Variants in GNL3L observed in about 807,000 individuals in gnomAD.
The protein encoded by GNL3L is G protein nucleolar 3 like.
Under a neutral mutation model 42.9 loss-of-function variants are expected in GNL3L, and 4 were observed. The ratio of observed to expected loss-of-function variants is 0.09; its 90% CI spans 0.05 to 0.21. GNL3L has a LOEUF of 0.21. Ranked by LOEUF, GNL3L falls within the 10% of genes least tolerant of loss-of-function variation. The pLI is 1.00. For synonymous variants in GNL3L, 159 were observed against 176.3 expected (o/e 0.90, Z 0.78); for missense variants, 412 against 481.7 (o/e 0.86, Z 1.36).
At chrX:54,614,924 C>T (rs1056262199) in intron 16 of GNL3L, among the ~76,000 whole-genome samples, 11 of 111,047 alleles carry the variant, frequency 9.9e-5, no homozygotes, top group African/African-American at 3.6e-4. Flanking sequence ...CTAATCTTGC[C>T]CTCCGTCCGC....
chrX:54,579,126 C>G (rs1035755695), intron 16 of GNL3L, among the ~76,000 whole-genome samples: 1 of 111,374 alleles, frequency 9.0e-6, no homozygotes, highest in Non-Finnish European at 1.9e-5. Context: ...TGTCTTTTGT[C>G]CTATATGTGA....
In GNL3L at chrX:54,606,641, A is replaced by ATT. The variant is rs762901505; in HGVS notation, c.*46-14204_*46-14203insTT. 2.0e-3 allele frequency among the ~76,000 whole-genome samples: 203 copies of ATT among 99,646 alleles called. 4 individuals carry two copies. Among genetic ancestry groups the ATT allele is most frequent in the East Asian group, 5.1e-3 (16 of 3,131 alleles). 86.5% of individuals were successfully genotyped at this position (99,646 alleles called of 115,157 possible). A position where few individuals can be genotyped will look rare whatever the true frequency, so the allele number is the denominator to read the frequency against. Reference sequence around the variant, plus strand: ...TAGGTGTGTGCCACTATGCCAGGCCAATTTTTTTTTTTTTTTTGAGGCAGG... The same window carrying ATT: ...TAGGTGTGTGCCACTATGCCAGGCCATTATTTTTTTTTTTTTTTTGAGGCAGG... On this transcript the variant is annotated intron_variant, in intron 16 of 16. Coordinates refer to the GNL3L transcript ENST00000674498.
chrX:54,537,552 A>G, intron 2 of GNL3L, among the ~76,000 whole-genome samples: 1 of 111,423 alleles, frequency 9.0e-6, no homozygotes, highest in East Asian at 2.8e-4. Context: ...GCTCTAAGTA[A>G]GCCCCTCCTT....
Position 54,541,409 on chromosome X carries a change from C to T in GNL3L, c.306+20C>T, listed in dbSNP as rs747804592. The T allele has an allele frequency of 7.8e-6, 8 of 1,024,759 alleles. No individual in the cohort carries two copies. The highest frequency in any genetic ancestry group is 9.6e-6 in the Non-Finnish European group (7 of 727,591). 84.5% of individuals were successfully genotyped at this position (1,024,759 alleles called of 1,213,427 possible). A position where few individuals can be genotyped will look rare whatever the true frequency, so the allele number is the denominator to read the frequency against. The stretch of plus-strand genomic sequence containing the variant: ...CATAAGGTAAGAGTGCAGCCCTTGC[C>T]CCTGGGTAGGTTTGCTCAAAGCATC... On this transcript the variant is annotated intron_variant, in intron 5 of 15. Transcript: ENST00000360845.
chrX:54,626,817 A>C, the GNL3L span, among the ~76,000 whole-genome samples: 1 of 111,599 alleles, frequency 9.0e-6, no homozygotes, highest in Non-Finnish European at 1.9e-5. Context: ...TCTTCTTTTG[A>C]GAAATATCTA....
At chrX:54,620,144 C>T (rs774448585) in intron 16 of GNL3L, among the ~76,000 whole-genome samples, 167 of 111,193 alleles carry the variant, frequency 1.5e-3, no homozygotes, top group African/African-American at 5.2e-3. Context: ...TATACTCTTT[C>T]GGTTATTTTA....
chrX:54,629,706 T>C, the GNL3L span, among the ~76,000 whole-genome samples: 7 of 111,459 alleles, frequency 6.3e-5, no homozygotes, highest in African/African-American at 2.3e-4. Context: ...ATCAGGGATA[T>C]TGGTCTGTAG....
At position 54,612,989 on chromosome X, in the gene GNL3L, G is replaced by A. The variant is rs761225204; in HGVS notation, c.*46-7856G>A. Among the ~76,000 whole-genome samples, 4 of 111,773 alleles carry A rather than the reference G, an allele frequency of 3.6e-5. No homozygotes were observed. The South Asian group carries it at 1.5e-3, about 42-fold the overall frequency. On this transcript the variant is annotated intron_variant, in intron 16 of 16. Coordinates refer to the GNL3L transcript ENST00000674498. ...GATGTCTGGGTCTCTAGCAAGGCCA[G>A]GGAAGTTTTTCTTGATTATTCTACT...
chrX:54,585,530 ATTTG>A (rs1925772245), intron 16 of GNL3L, among the ~76,000 whole-genome samples: 1 of 111,427 alleles, frequency 9.0e-6, no homozygotes, highest in South Asian at 3.7e-4. Flanking sequence ...AGGTTTTCCA[ATTTG>A]TTGGCATGTA....
chrX:54,636,327 A>T, the GNL3L span, among the ~76,000 whole-genome samples: 1 of 112,173 alleles, frequency 8.9e-6, no homozygotes, highest in Non-Finnish European at 1.9e-5. Context: ...GCAAGTAAAT[A>T]TGCCATAAAA....
chrX:54,624,441 T>TTC (rs1428981555), downstream of GNL3L, among the ~76,000 whole-genome samples: 3 of 100,379 alleles, frequency 3.0e-5, no homozygotes, highest in Non-Finnish European at 4.1e-5. Context: ...TCTTTTTCTT[T>TTC]TTTTTTTTTT....
chrX:54,609,010 A>G lies in GNL3L; in HGVS notation c.*46-11835A>G, dbSNP rs764980476. Among the ~76,000 whole-genome samples the G allele has an allele frequency of 1.3e-3, 149 of 111,582 alleles. 1 individual carries two copies. Among genetic ancestry groups the G allele is most frequent in the Non-Finnish European group, 1.2e-3 (62 of 53,081 alleles). ...TTCCCTGTTCGCTGCATCCACACCAATATCTACTGTTTTTTGATATTTTGA... is the reference window on the plus strand; with the variant it reads ...TTCCCTGTTCGCTGCATCCACACCAGTATCTACTGTTTTTTGATATTTTGA... On this transcript the variant is annotated intron_variant, in intron 16 of 16. Coordinates refer to the GNL3L transcript ENST00000674498.
At chrX:54,572,624 C>T (rs1440190600) in intron 16 of GNL3L, among the ~76,000 whole-genome samples, 10 of 107,313 alleles carry the variant, frequency 9.3e-5, no homozygotes, top group South Asian at 8.3e-4. Flanking sequence ...GGCGGCTGGC[C>T]GGGCGGGGGG....
intron 16 of GNL3L, among the ~76,000 whole-genome samples, chrX:54,590,065 G>A (rs2885054): frequency 0.37 from 39,944 of 109,362 alleles, 8,578 homozygotes; most frequent in African/African-American, 0.8. Context: ...TCAGCCTCCC[G>A]AGTAGCTGGG....
chrX:54,614,257 C>T (rs564588028), intron 16 of GNL3L, among the ~76,000 whole-genome samples: 1 of 111,407 alleles, frequency 9.0e-6, no homozygotes, highest in East Asian at 2.8e-4. Context: ...AAGGGCCTGT[C>T]TCATACCCAC....
At chrX:54,575,659 G>A (rs1010123065) in intron 16 of GNL3L, among the ~76,000 whole-genome samples, 24 of 112,012 alleles carry the variant, frequency 2.1e-4, no homozygotes, top group Admixed American at 8.5e-4. Context: ...GCGTGAACCC[G>A]GTAGGCGGAG....
intron 4 of GNL3L, 85 bp from the exon 5 acceptor site, chrX:54,541,188 G>C (rs762346843): frequency 5.0e-6 from 3 of 600,504 alleles, no homozygotes; most frequent in Admixed American, 2.5e-5. Context: ...CTGCCATGTC[G>C]CACCATTTCC....
intron 16 of GNL3L, among the ~76,000 whole-genome samples, chrX:54,584,556 G>A (rs1384700190): frequency 9.0e-6 from 1 of 111,659 alleles, no homozygotes; most frequent in Non-Finnish European, 1.9e-5. Flanking sequence ...ATGTTATGCA[G>A]CACGATTGTA....
rs1925252382 is a variant in GNL3L, at chrX:54,561,038, C to G, written c.*436C>G. Reference sequence around the variant, plus strand: ...AGTGAGCCCAGACGGCACCATTGCACTCTAGCCTGGGCAACAACACGAAAC... The same window carrying G: ...AGTGAGCCCAGACGGCACCATTGCAGTCTAGCCTGGGCAACAACACGAAAC... On this transcript the variant is annotated 3_prime_UTR_variant, in exon 16 of 16. Coordinates refer to ENST00000360845, the MANE Select transcript of GNL3L (RefSeq NM_001184819.2). The G allele has an allele frequency of 1.0e-5, 1 of 95,491 alleles. No homozygotes were observed. Among genetic ancestry groups the G allele is most frequent in the African/African-American group, 4.0e-5 (1 of 25,139 alleles). 7.9% of individuals were successfully genotyped at this position (95,491 alleles called of 1,213,427 possible). A position where few individuals can be genotyped will look rare whatever the true frequency, so the allele number is the denominator to read the frequency against.
Sources: allele counts gnomAD v4.1 joint callset (sites outside exome capture counted in the v4.1 genomes callset), GRCh38; gene constraint gnomAD v4.1.1; transcripts MANE v1.5; gene names NCBI Gene and HGNC (gene_info 2026-07-23, HGNC 2026-07-21).